The following EGLN1 variants were observed in gnomAD, a reference collection of about 807,000 sequenced individuals.
EGLN1 encodes egl-9 family hypoxia inducible factor 1, also known as egl nine homolog 1.
Under a neutral mutation model 38.3 loss-of-function variants are expected in EGLN1, and 17 were observed. The observed-to-expected ratio is 0.44, with a 90% CI of 0.30 to 0.67. The LOEUF is 0.67. EGLN1 is among the 30% of genes least tolerant of loss of function. EGLN1 has a pLI of 0.08. For missense variants in EGLN1, 477 were observed against 603.3 expected (o/e 0.79, Z 2.19); for synonymous variants, 283 against 257.5 (o/e 1.10, Z -0.95).
chr1:231,370,293 GCTAGAAAGA>G (rs1427265103), intron 3 of EGLN1, among the ~76,000 whole-genome samples: 1 of 152,214 alleles, frequency 6.6e-6, no homozygotes, highest in East Asian at 1.9e-4. Flanking sequence ...CGGAGAGAGT[GCTAGAAAGA>G]TGGGAAGGCC....
intron 1 of EGLN1, among the ~76,000 whole-genome samples, chr1:231,409,461 TCAGA>T (rs1370449689): frequency 3.9e-5 from 6 of 152,108 alleles, no homozygotes; most frequent in Admixed American, 3.3e-4. Context: ...CTAACACAGA[TCAGA>T]CACTCAGTAA....
intron 1 of EGLN1, among the ~76,000 whole-genome samples, chr1:231,403,600 G>A (rs1688714774): frequency 6.6e-6 from 1 of 151,474 alleles, no homozygotes. Flanking sequence ...GCGAAACCCT[G>A]TCTCTACTAA....
intron 1 of EGLN1, among the ~76,000 whole-genome samples, chr1:231,411,567 G>A (rs1197475145): frequency 1.3e-5 from 2 of 152,072 alleles, no homozygotes; most frequent in African/African-American, 4.8e-5. Context: ...ACAGCTTCCT[G>A]GGTTCTGGAG....
At chr1:231,394,449 G>A (rs1391633270) in intron 1 of EGLN1, among the ~76,000 whole-genome samples, 1 of 150,106 alleles carries the variant, frequency 6.7e-6, no homozygotes, top group Non-Finnish European at 1.5e-5. Flanking sequence ...CGCAATCTCG[G>A]CTCACTGCAA....
chr1:231,373,784 G>A lies in EGLN1; in HGVS notation c.1011+196C>T, dbSNP rs552111266. Among the ~76,000 whole-genome samples, 5 of 152,002 alleles carry A rather than the reference G, an allele frequency of 3.3e-5. No individual in the cohort carries two copies. The East Asian group carries it at 9.7e-4, about 29-fold the overall frequency. The stretch of plus-strand genomic sequence containing the variant: ...GCACAACACTACGTTGTTAACTACA[G>A]GTATCATGTTGTATAACATAGAGTA... On this transcript the variant is annotated intron_variant, in intron 2 of 4. Coordinates refer to ENST00000366641, the MANE Select transcript of EGLN1 (RefSeq NM_022051.3).
chr1:231,371,483 T>C (rs1216218910), intron 2 of EGLN1, among the ~76,000 whole-genome samples: 2 of 152,230 alleles, frequency 1.3e-5, no homozygotes, highest in Non-Finnish European at 2.9e-5. Context: ...TGTCATCATT[T>C]ATTATGACCA....
chr1:231,383,649 G>A (rs558575386), intron 1 of EGLN1, among the ~76,000 whole-genome samples: 2 of 152,284 alleles, frequency 1.3e-5, no homozygotes, highest in South Asian at 2.1e-4. Flanking sequence ...AAGATGAAGT[G>A]CAGTGTGGAG....
intron 1 of EGLN1, among the ~76,000 whole-genome samples, chr1:231,399,217 T>C (rs2102923828): frequency 6.6e-6 from 1 of 152,308 alleles, no homozygotes; most frequent in Non-Finnish European, 1.5e-5. Context: ...GCAACTACAG[T>C]GTTTCAGACC....
At chr1:231,380,491 A>G (rs1356230972) in intron 1 of EGLN1, among the ~76,000 whole-genome samples, 1 of 104,564 alleles carries the variant, frequency 9.6e-6, no homozygotes, top group Non-Finnish European at 2.5e-5. Flanking sequence ...AAAGACATAT[A>G]AGGGCATATA....
At chr1:231,416,798 C>T (rs1689095088) in intron 1 of EGLN1, among the ~76,000 whole-genome samples, 1 of 152,208 alleles carries the variant, frequency 6.6e-6, no homozygotes, top group South Asian at 2.1e-4. Context: ...AGACTACCCT[C>T]TCAGTCCACA....
rs979480227 is a variant in EGLN1 at position 231,397,102 on chromosome 1, C to T, written c.892-23003G>A. ...AAAATTAAAATCTGATGTCACTGCC[C>T]TCCTCTAAATCCTTCCATAGCTCCC... On this transcript the variant is annotated intron_variant, in intron 1 of 4. Coordinates refer to ENST00000366641, the MANE Select transcript of EGLN1 (RefSeq NM_022051.3). 3.0e-4 allele frequency among the ~76,000 whole-genome samples: 46 copies of T among 152,292 alleles called. 1 individual carries two copies. Among genetic ancestry groups the T allele is most frequent in the African/African-American group, 1.1e-3 (45 of 41,566 alleles).
In EGLN1 at chr1:231,421,942, G is replaced by A. The variant is rs1656645233; in HGVS notation, c.-54C>T. 1 of 1,341,336 alleles carries A rather than the reference G, an allele frequency of 7.5e-7. No individual in the cohort carries two copies. The highest frequency in any genetic ancestry group is 9.5e-7 in the Non-Finnish European group (1 of 1,057,404). The allele number at this position is 1,341,336 out of a possible 1,614,324, so 83.1% of individuals were successfully genotyped here. A position where few individuals can be genotyped will look rare whatever the true frequency, so the allele number is the denominator to read the frequency against. Reference sequence around the variant, plus strand: ...GCGGCGGCCGAGCAGGAGGGGTAGCGGCCGGACGGCCTCGCCCGAGGCTGG... The same window carrying A: ...GCGGCGGCCGAGCAGGAGGGGTAGCAGCCGGACGGCCTCGCCCGAGGCTGG... On this transcript the variant is annotated 5_prime_UTR_variant, in exon 1 of 5. Transcript: ENST00000366641. The surrounding 1 kb of genome is among the most constrained non-coding windows in gnomAD (Gnocchi z 5.5).
chr1:231,408,160 G>C (rs900861547), intron 1 of EGLN1, among the ~76,000 whole-genome samples: 2 of 152,188 alleles, frequency 1.3e-5, no homozygotes, highest in Non-Finnish European at 2.9e-5. Context: ...TTTGAGAAAA[G>C]AGAGATCAAA....
intron 1 of EGLN1, among the ~76,000 whole-genome samples, chr1:231,418,734 G>C (rs527966867): frequency 6.6e-6 from 1 of 152,050 alleles, no homozygotes; most frequent in Admixed American, 6.6e-5. Flanking sequence ...ATGGTGGTGT[G>C]TGCCTACAGT....
rs547747077 is a variant in EGLN1, at chr1:231,383,057, C to CAAAAAAAAAA, written c.892-8968_892-8959dup. Among the ~76,000 whole-genome samples the CAAAAAAAAAA allele has an allele frequency of 4.8e-4, 34 of 70,554 alleles. 1 individual carries two copies. Among genetic ancestry groups the CAAAAAAAAAA allele is most frequent in the African/African-American group, 2.1e-3 (34 of 15,848 alleles). 46.3% of individuals were successfully genotyped at this position (70,554 alleles called of 152,430 possible). On this transcript the variant is annotated intron_variant, in intron 1 of 4. Transcript: ENST00000366641. ...TGGGCAACAGAGCGAAACTCTGTCTCAAAAAAAAAAAAAAAAAAAAAAAAA... is the reference window on the plus strand; with the variant it reads ...TGGGCAACAGAGCGAAACTCTGTCTCAAAAAAAAAAAAAAAAAAAAAAAAAAAAAAAAAAA...
chr1:231,376,388 G>C (rs1392145615), intron 1 of EGLN1, among the ~76,000 whole-genome samples: 1 of 152,142 alleles, frequency 6.6e-6, no homozygotes, highest in Non-Finnish European at 1.5e-5. Context: ...AATCGTCGTG[G>C]TACTTGTGTT....
chr1:231,368,920 T>C (rs1410309420), intron 3 of EGLN1, among the ~76,000 whole-genome samples: 2 of 152,184 alleles, frequency 1.3e-5, no homozygotes, highest in Non-Finnish European at 2.9e-5. Context: ...TGGCTTCTTC[T>C]ACTTTTGGGT....
chr1:231,377,088 T>C (rs202091848), intron 1 of EGLN1, among the ~76,000 whole-genome samples: 1 of 152,208 alleles, frequency 6.6e-6, no homozygotes, highest in Non-Finnish European at 1.5e-5. Context: ...TCTGTATGAA[T>C]AAAAACAACC....
intron 3 of EGLN1, among the ~76,000 whole-genome samples, chr1:231,368,246 T>C (rs977502292): frequency 6.6e-6 from 1 of 151,986 alleles, no homozygotes; most frequent in Non-Finnish European, 1.5e-5. Context: ...AAAAAGCACA[T>C]TATCAATAGC....
Sources: gnomAD v4.1 joint callset for allele counts (sites outside exome capture counted in the v4.1 genomes callset) on GRCh38, gnomAD v4.1.1 for gene constraint, Gnocchi (gnomAD v3.1) non-coding constraint, MANE v1.5 for transcripts, NCBI Gene and HGNC (gene_info 2026-07-23, HGNC 2026-07-21) for gene names.